The following SCN10A variants were observed in gnomAD, a reference collection of about 807,000 sequenced individuals.
SCN10A encodes sodium channel protein type 10 subunit alpha.
In SCN10A, 162 loss-of-function variants were observed where a neutral mutation model predicts 170.7. That is an observed-to-expected ratio of 0.95 (90% CI 0.84 to 1.08). SCN10A has a LOEUF of 1.08. SCN10A is among the 50% of genes least tolerant of loss of function. The probability of loss-of-function intolerance (pLI) is 0.00; values close to 1 mark genes in which losing one functional copy is unlikely to be tolerated. For missense variants in SCN10A, 2,527 were observed against 2,436.9 expected (o/e 1.04, Z -0.78); for synonymous variants, 985 against 904.6 (o/e 1.09, Z -1.59).
intron 22 of SCN10A, 86 bp downstream of exon 22, chr3:38,713,872 C>G: frequency 6.5e-7 from 1 of 1,547,820 alleles, no homozygotes; most frequent in South Asian, 1.1e-5. Context: ...AGGTGATCCG[C>G]CCGCCTCAGC....
intron 1 of SCN10A, among the ~76,000 whole-genome samples, chr3:38,801,105 C>T (rs1415721594): frequency 6.6e-6 from 1 of 152,050 alleles, no homozygotes; most frequent in Non-Finnish European, 1.5e-5. Flanking sequence ...GTGGGCAAGG[C>T]AAGACAGAGG....
In SCN10A at chr3:38,728,877, A is replaced by G. The variant is rs1330358186; in HGVS notation, c.2305T>C (p.Ser769Pro). 17 of 1,610,938 alleles carry G rather than the reference A, an allele frequency of 1.1e-5. No individual in the cohort carries two copies. Among genetic ancestry groups the G allele is most frequent in the Non-Finnish European group, 1.4e-5 (16 of 1,177,434 alleles). ...ATGAGTGTGTTTAAGGTGGGCCAGG[A>G]TTTGGCCAGCTTGAATACGCGCAGC... ...RLLRVFKLAK[S>P]WPTLNTLIKI... Residue 769 changes from serine (S) to proline (P), a missense_variant, in exon 16 of 28, where the codon TCC becomes CCC. Transcript: ENST00000449082.
chr3:38,716,264 G>A (rs2063332755), intron 21 of SCN10A, among the ~76,000 whole-genome samples: 2 of 152,050 alleles, frequency 1.3e-5, no homozygotes, highest in African/African-American at 2.4e-5. Context: ...GTTTGGCTGT[G>A]TCCCCACCCA....
intron 12 of SCN10A, among the ~76,000 whole-genome samples, chr3:38,751,537 C>T (rs530969195): frequency 6.6e-6 from 1 of 152,262 alleles, no homozygotes; most frequent in Non-Finnish European, 1.5e-5. Context: ...TCTGCAATTG[C>T]GCTGTATCCC....
At chr3:38,719,675 G>A (rs933746445) in intron 20 of SCN10A, among the ~76,000 whole-genome samples, 1 of 152,122 alleles carries the variant, frequency 6.6e-6, no homozygotes, top group African/African-American at 2.4e-5. Context: ...TTACAGGCGT[G>A]AGCCACCGCG....
Position 38,697,862 on chromosome 3 carries a change from G to C in SCN10A, c.5358C>G (p.Ile1786Met). The change falls in exon 28 of 28, where the codon ATC (isoleucine) becomes ATG (methionine). Residue 1786 changes from isoleucine to methionine, a missense_variant. By Grantham distance (10) the Ile-to-Met change is conservative. Coordinates refer to ENST00000449082, the MANE Select transcript of SCN10A (RefSeq NM_006514.4). ...CAGGGACCAAAGGCAGGTCCATCTG[G>C]ATCAGTATATTTCGATTGGGTTTTG... Reference protein sequence around the residue: ...RIPKPNRNILIQMDLPLVPGD... With the variant: ...RIPKPNRNILMQMDLPLVPGD... The C allele has an allele frequency of 1.2e-6, 2 of 1,614,134 alleles. No homozygotes were observed. The highest frequency in any genetic ancestry group is 2.2e-5 in the South Asian group (2 of 91,076).
intron 1 of SCN10A, among the ~76,000 whole-genome samples, chr3:38,811,970 G>A (rs569610765): frequency 3.3e-5 from 5 of 152,286 alleles, no homozygotes; most frequent in African/African-American, 1.2e-4. Flanking sequence ...CTTGGTTTAC[G>A]GTGGGGCAAT....
At chr3:38,772,378 G>T (rs2064013127) in intron 4 of SCN10A, among the ~76,000 whole-genome samples, 1 of 151,752 alleles carries the variant, frequency 6.6e-6, no homozygotes, top group Non-Finnish European at 1.5e-5. Flanking sequence ...AAAGAGGGCA[G>T]AAGAAGAGTT....
chr3:38,783,173 A>G (rs912519544), intron 4 of SCN10A, among the ~76,000 whole-genome samples: 1 of 152,078 alleles, frequency 6.6e-6, no homozygotes, highest in Non-Finnish European at 1.5e-5. Flanking sequence ...CAACATAGCA[A>G]CATGGGGGGT....
At chr3:38,766,303 G>C (rs1010390505) in intron 5 of SCN10A, among the ~76,000 whole-genome samples, 3 of 152,066 alleles carry the variant, frequency 2.0e-5, no homozygotes, top group African/African-American at 7.2e-5. Context: ...GGGCATCCTT[G>C]TCTTGTTTCA....
intron 4 of SCN10A, among the ~76,000 whole-genome samples, chr3:38,785,763 A>G (rs1187695701): frequency 2.0e-5 from 3 of 152,066 alleles, no homozygotes; most frequent in Non-Finnish European, 4.4e-5. Context: ...CAGAATCTAC[A>G]AAAAACTTAA....
intron 1 of SCN10A, among the ~76,000 whole-genome samples, chr3:38,809,634 C>T (rs1167391565): frequency 6.6e-6 from 1 of 152,140 alleles, no homozygotes; most frequent in Non-Finnish European, 1.5e-5. Context: ...CTGTAATAAA[C>T]CCCATGTTCA....
intron 1 of SCN10A, among the ~76,000 whole-genome samples, chr3:38,798,036 G>C (rs1407881190): frequency 6.6e-6 from 1 of 152,186 alleles, no homozygotes; most frequent in Non-Finnish European, 1.5e-5. Context: ...CTTGATTGAA[G>C]TGGTTCTCTA....
At chr3:38,699,032 C>T (rs1178174198) in intron 27 of SCN10A, among the ~76,000 whole-genome samples, 1 of 152,078 alleles carries the variant, frequency 6.6e-6, no homozygotes, top group Non-Finnish European at 1.5e-5. Flanking sequence ...GATTCCTCTC[C>T]CTACCTCCTA....
intron 4 of SCN10A, among the ~76,000 whole-genome samples, chr3:38,785,850 T>G (rs1036338890): frequency 3.3e-5 from 5 of 152,172 alleles, no homozygotes; most frequent in African/African-American, 1.2e-4. Context: ...AAGAAGACAT[T>G]TATGCAGCCA....
chr3:38,699,129 C>T (rs1236672705), intron 27 of SCN10A, among the ~76,000 whole-genome samples: 5 of 151,062 alleles, frequency 3.3e-5, no homozygotes, highest in Admixed American at 6.6e-5. Context: ...CCTGAGGATT[C>T]GGGCAACTGG....
chr3:38,792,977 A>G (rs1278899365), intron 2 of SCN10A, among the ~76,000 whole-genome samples: 1 of 151,984 alleles, frequency 6.6e-6, no homozygotes, highest in Non-Finnish European at 1.5e-5. Flanking sequence ...ATATGCTTAT[A>G]TACCTATATA....
At position 38,811,475 on chromosome 3, in the gene SCN10A, T is replaced by C. The variant is rs182131090; in HGVS notation, c.-33+4562A>G. ...CTCAAAAAAAAAAAAAATAGAACTA[T>C]GAAGTAGTCATGAAAATTAAATTAA... On this transcript the variant is annotated intron_variant, in intron 1 of 27. Transcript: ENST00000449082. Among the ~76,000 whole-genome samples, 536 of 151,268 alleles carry C rather than the reference T, an allele frequency of 3.5e-3. 6 individuals are homozygous for C. The highest frequency in any genetic ancestry group is 0.013 in the African/African-American group (520 of 41,190).
chr3:38,789,794 G>A (rs2064257079), intron 3 of SCN10A, among the ~76,000 whole-genome samples: 1 of 152,054 alleles, frequency 6.6e-6, no homozygotes, highest in African/African-American at 2.4e-5. Flanking sequence ...AAGGAAGGTG[G>A]GTGGAAGGGG....
Sources: gnomAD v4.1 joint callset for allele counts (sites outside exome capture counted in the v4.1 genomes callset) on GRCh38, gnomAD v4.1.1 for gene constraint, MANE v1.5 for transcripts, NCBI Gene and HGNC (gene_info 2026-07-23, HGNC 2026-07-21) for gene names.